The following CASTOR1 variants were observed in gnomAD, a reference collection of about 807,000 sequenced individuals.
CASTOR1 encodes cytosolic arginine sensor for mTORC1 subunit 1.
CASTOR1 carries 18 observed loss-of-function variants against 33.7 expected under a neutral mutation model. That is an observed-to-expected ratio of 0.53 (90% CI 0.37 to 0.79). The LOEUF is 0.79. CASTOR1 is among the 30% of genes least tolerant of loss of function. The pLI is 0.00. For synonymous variants in CASTOR1, 175 were observed against 190.6 expected (o/e 0.92, Z 0.67); for missense variants, 362 against 446.3 (o/e 0.81, Z 1.70).
At chr22:30,285,994 C>T in intron 7 of CASTOR1, 22 bp downstream of exon 7, 1 of 1,588,020 alleles carries the variant, frequency 6.3e-7, no homozygotes, top group Non-Finnish European at 8.6e-7. Context: ...CCCAGCCCCC[C>T]AACACCGGGA....
chr22:30,287,377 A>T lies in CASTOR1; in HGVS notation c.368T>A (p.Ile123Asn). 1 of 1,611,042 alleles carries T rather than the reference A, an allele frequency of 6.2e-7. No homozygotes were observed. Among genetic ancestry groups the T allele is most frequent in the Non-Finnish European group, 8.5e-7 (1 of 1,178,300 alleles). The change falls in exon 3 of 9, where the codon ATC (isoleucine) becomes AAC (asparagine). Residue 123 changes from isoleucine to asparagine, a missense_variant. By Grantham distance (149) the Ile-to-Asn change is moderately radical. Transcript: ENST00000407689. ...LMLSTYQTDFILVREQDLSVV... is the reference protein window; with the variant it reads ...LMLSTYQTDFNLVREQDLSVV... ...CAGCACCAGCAGGAAACTCACCAGG[A>T]TGAAGTCCGTCTGGTAAGTGGACAG... is the stretch of plus-strand genomic sequence containing the variant.
intron 6 of CASTOR1, 49 bp from the exon 7 acceptor site, chr22:30,286,147 C>T: frequency 6.8e-7 from 1 of 1,469,734 alleles, no homozygotes; most frequent in South Asian, 1.3e-5. Flanking sequence ...CCACCCCTGC[C>T]TGACCGTGAG....
At chr22:30,286,119 T>C in intron 6 of CASTOR1, 21 bp from the exon 7 acceptor site, 2 of 1,530,530 alleles carry the variant, frequency 1.3e-6, no homozygotes, top group South Asian at 2.5e-5. Context: ...AGATGGGTGA[T>C]GGGCAGGGCA....
chr22:30,289,192 T>C (rs906692740), intron 1 of CASTOR1, 193 bp downstream of exon 1: 3 of 589,294 alleles, frequency 5.1e-6, no homozygotes, highest in Non-Finnish European at 9.0e-6. Context: ...GCTTTGCCCC[T>C]GGGAGGGGGC....
At chr22:30,287,312 A>C in intron 3 of CASTOR1, 25 bp from the exon 4 acceptor site, 1 of 1,576,674 alleles carries the variant, frequency 6.3e-7, no homozygotes, top group South Asian at 1.2e-5. Flanking sequence ...ATGGCACATC[A>C]CATGGGCTCC....
In CASTOR1 at chr22:30,288,573, A is replaced by G. The variant is rs1027225378; in HGVS notation, c.184+133T>C. The G allele has an allele frequency of 1.7e-4, 117 of 677,914 alleles. 1 individual carries two copies. Among genetic ancestry groups the G allele is most frequent in the South Asian group, 1.3e-3 (75 of 56,484 alleles). The allele number at this position is 677,914 out of a possible 1,614,324, so 42.0% of individuals were successfully genotyped here. On this transcript the variant is annotated intron_variant, in intron 2 of 8. Coordinates refer to ENST00000407689, the MANE Select transcript of CASTOR1 (RefSeq NM_001037666.3). ...GCACACAGCCAGGGAGTGGTGGAGT[A>G]GGATTCGAACCCCGACCCATCTGCT...
chr22:30,289,453 G>C lies in CASTOR1; in HGVS notation c.45C>G (p.Val15=). 1 of 1,599,390 alleles carries C rather than the reference G, an allele frequency of 6.3e-7. No homozygotes were observed. The highest frequency in any genetic ancestry group is 8.5e-7 in the Non-Finnish European group (1 of 1,176,826). The part of the protein sequence containing the change: ...ILEHRVRVLS[V]ARPGLWLYTH... ...TGTAGAGCCAGAGACCGGGACGGGC[G>C]ACGCTCAGCACCCGCACCCGGTGTT... The change falls in exon 1 of 9, where the codon GTC becomes GTG. Residue 15 remains valine (V), a synonymous_variant. Transcript: ENST00000407689.
At position 30,285,331 on chromosome 22, in the gene CASTOR1, C is replaced by T. The variant is rs148106273; in HGVS notation, c.*289G>A. On this transcript the variant is annotated 3_prime_UTR_variant, in exon 9 of 9. Coordinates refer to ENST00000407689, the MANE Select transcript of CASTOR1 (RefSeq NM_001037666.3). ...AGGCCTCAGGCAGGGACTGTGCAAA[C>T]GCCGAGGCTGCGCAGGGAGTGATGG... is the stretch of plus-strand genomic sequence containing the variant. 237 of 335,346 alleles carry T rather than the reference C, an allele frequency of 7.1e-4. 1 individual carries two copies. The East Asian group carries it at 0.012, about 17-fold the overall frequency. 20.8% of individuals were successfully genotyped at this position (335,346 alleles called of 1,614,324 possible).
Position 30,286,386 on chromosome 22 carries a change from G to T in CASTOR1, c.630-10C>A. On this transcript the variant is annotated splice_polypyrimidine_tract_variant and intron_variant, in intron 5 of 8. Coordinates refer to ENST00000407689, the MANE Select transcript of CASTOR1 (RefSeq NM_001037666.3). ...TGCCTCCTTGGGGGTGCTGGGGAGG[G>T]ATGGGAGGTTTAGGGGCTCTACCAG... is the stretch of plus-strand genomic sequence containing the variant. 1 of 1,587,154 alleles carries T rather than the reference G, an allele frequency of 6.3e-7. No homozygotes were observed. The highest frequency in any genetic ancestry group is 8.7e-7 in the Non-Finnish European group (1 of 1,156,016).
In CASTOR1 at chr22:30,285,434, C is replaced by T. The variant is rs1929728975; in HGVS notation, c.*186G>A. ...GTCAGGCTAGCACCTGCCCACTCCA[C>T]CTGTGAGTGTACACAGGTGTCCGCG... On this transcript the variant is annotated 3_prime_UTR_variant, in exon 9 of 9. Transcript: ENST00000407689. The T allele has an allele frequency of 1.8e-6, 1 of 559,084 alleles. No homozygotes were observed. The highest frequency in any genetic ancestry group is 2.2e-5 in the South Asian group (1 of 45,184). 34.6% of individuals were successfully genotyped at this position (559,084 alleles called of 1,614,324 possible). A position where few individuals can be genotyped will look rare whatever the true frequency, so the allele number is the denominator to read the frequency against.
rs759609513 is a variant in CASTOR1 at position 30,285,990 on chromosome 22, C to T, written c.826+26G>A. ...GGTTGCTCCCCAGACACTCCCCAGCCCCCCAACACCGGGAACAGCCCTCAC... is the reference window on the plus strand; with the variant it reads ...GGTTGCTCCCCAGACACTCCCCAGCTCCCCAACACCGGGAACAGCCCTCAC... On this transcript the variant is annotated intron_variant, in intron 7 of 8. Coordinates refer to ENST00000407689, the MANE Select transcript of CASTOR1 (RefSeq NM_001037666.3). The T allele has an allele frequency of 1.9e-6, 3 of 1,585,128 alleles. No individual in the cohort carries two copies. In the South Asian group the frequency reaches 3.5e-5, roughly 18 times the overall value.
chr22:30,286,704 G>C, intron 5 of CASTOR1, 121 bp downstream of exon 5: 3 of 1,258,892 alleles, frequency 2.4e-6, no homozygotes, highest in Non-Finnish European at 3.4e-6. Flanking sequence ...AGCATCATGG[G>C]CTGCCAGGAA....
chr22:30,285,442 T>C lies in CASTOR1; in HGVS notation c.*178A>G, dbSNP rs1436417955. 1.2e-5 allele frequency: 7 copies of C among 564,764 alleles called. No individual in the cohort carries two copies. The highest frequency in any genetic ancestry group is 2.2e-5 in the Non-Finnish European group (7 of 319,868). 35.0% of individuals were successfully genotyped at this position (564,764 alleles called of 1,614,324 possible). On this transcript the variant is annotated 3_prime_UTR_variant, in exon 9 of 9. Transcript: ENST00000407689. ...AGCACCTGCCCACTCCACCTGTGAG[T>C]GTACACAGGTGTCCGCGTAAAAGCC...
chr22:30,288,918 A>G (rs1569156794), intron 1 of CASTOR1, 142 bp from the exon 2 acceptor site: 1 of 620,232 alleles, frequency 1.6e-6, no homozygotes, highest in African/African-American at 1.9e-5. Context: ...TTCCAGGCCA[A>G]TGGGATGTTA....
chr22:30,287,950 C>T (rs1929824956), intron 2 of CASTOR1: 2 of 471,396 alleles, frequency 4.2e-6, no homozygotes, highest in Non-Finnish European at 8.4e-6. Context: ...CACCAGGGGG[C>T]ATTCGCAGAT....
Position 30,287,488 on chromosome 22 carries a change from C to T in CASTOR1, c.257G>A (p.Gly86Asp), listed in dbSNP as rs1470134696. The change falls in exon 3 of 9, where the codon GGT (glycine) becomes GAT (aspartate). Residue 86 changes from glycine (G) to aspartate (D), a missense_variant. Coordinates refer to ENST00000407689, the MANE Select transcript of CASTOR1 (RefSeq NM_001037666.3). ...WLVLNVSSHS[G>D]AAVQAAGVTK... ...GACCCCAGCAGCCTGCACTGCCGCA[C>T]CGCTGTGAGACGACACGTTCAGCAC... The T allele has an allele frequency of 6.2e-7, 1 of 1,613,316 alleles. No homozygotes were observed. The highest frequency in any genetic ancestry group is 8.5e-7 in the Non-Finnish European group (1 of 1,180,052).
intron 2 of CASTOR1, among the ~76,000 whole-genome samples, chr22:30,288,325 A>C (rs1929836541): frequency 6.6e-6 from 1 of 151,898 alleles, no homozygotes. Context: ...AGGTGACCCA[A>C]ACCAGAGAGT....
rs550145464 is a variant in CASTOR1 at position 30,285,541 on chromosome 22, T to A, written c.*79A>T. 1.6e-5 allele frequency: 19 copies of A among 1,180,676 alleles called. No homozygotes were observed. The highest frequency in any genetic ancestry group is 5.5e-4 in the Middle Eastern group (2 of 3,626). 73.1% of individuals were successfully genotyped at this position (1,180,676 alleles called of 1,614,324 possible). On this transcript the variant is annotated 3_prime_UTR_variant, in exon 9 of 9. Coordinates refer to ENST00000407689, the MANE Select transcript of CASTOR1 (RefSeq NM_001037666.3). ...CAGAACAGGGGGCTCGTTCCAGAGC[T>A]TAAGGAAATAGCTTAGAGAAGTCTT...
intron 5 of CASTOR1, 146 bp from the exon 6 acceptor site, chr22:30,286,522 C>G (rs891859757): frequency 1.8e-5 from 12 of 679,014 alleles, no homozygotes; most frequent in Non-Finnish European, 2.3e-5. Flanking sequence ...AAGGGTCCAG[C>G]CCTCTGGAAG....
Sources: gnomAD v4.1 joint callset for allele counts (sites outside exome capture counted in the v4.1 genomes callset) on GRCh38, gnomAD v4.1.1 for gene constraint, MANE v1.5 for transcripts, NCBI Gene and HGNC (gene_info 2026-07-23, HGNC 2026-07-21) for gene names.